The following NDRG4 variants were observed in gnomAD, a reference collection of about 807,000 sequenced individuals.
NDRG4 encodes the protein protein NDRG4.
Under a neutral mutation model 55.8 loss-of-function variants are expected in NDRG4, and 38 were observed. The ratio of observed to expected loss-of-function variants is 0.68; its 90% CI spans 0.53 to 0.89. The LOEUF is 0.89. Among genes scored for constraint, NDRG4 ranks in the 40% least tolerant of loss-of-function variants. The probability of loss-of-function intolerance (pLI) is 0.00; values close to 1 mark genes in which losing one functional copy is unlikely to be tolerated. For synonymous variants in NDRG4, 190 were observed against 182.7 expected, an observed-to-expected ratio of 1.04 and a Z score of -0.32; for missense variants, 455 against 468.6, an observed-to-expected ratio of 0.97 and a Z score of 0.27.
intron 1 of NDRG4, among the ~76,000 whole-genome samples, chr16:58,466,215 C>T (rs2031647463): frequency 6.6e-6 from 1 of 152,190 alleles, no homozygotes; most frequent in Admixed American, 6.5e-5. Flanking sequence ...TGGGTTTCGC[C>T]ATGTTGGCCA....
Position 58,464,584 on chromosome 16 carries a change from C to G in NDRG4, c.-24+787C>G, listed in dbSNP as rs542582763. On this transcript the variant is annotated intron_variant, in intron 1 of 15. Transcript: ENST00000258187. This position sits in a 1 kb window ranked among gnomAD's most constrained non-coding sequence, Gnocchi z 4.8. ...GAGCAGGAAGGGGTGCGGACCCCAA[C>G]TAAGTCCTAGTTTTGTGCTACCTGT... The G allele has an allele frequency of 2.8e-5, 29 of 1,031,994 alleles. No homozygotes were observed. In the East Asian group the frequency reaches 9.5e-4, roughly 34 times the overall value. 63.9% of individuals were successfully genotyped at this position (1,031,994 alleles called of 1,614,324 possible). A position where few individuals can be genotyped will look rare whatever the true frequency, so the allele number is the denominator to read the frequency against.
rs2038959666 is a variant in NDRG4 at position 58,513,024 on chromosome 16, C to A, written c.*1448C>A. ...GCGTGTTAGTTTCTGCCCAGTTCTA[C>A]CCCCTCATGTGCTTCTTCTGAATAC... On this transcript the variant is annotated 3_prime_UTR_variant, in exon 15 of 15. Coordinates refer to ENST00000570248, the MANE Select transcript of NDRG4 (RefSeq NM_001242835.2). 1.3e-5 allele frequency: 2 copies of A among 152,686 alleles called. No homozygotes were observed. The highest frequency in any genetic ancestry group is 4.8e-5 in the African/African-American group (2 of 41,432). 9.5% of individuals were successfully genotyped at this position (152,686 alleles called of 1,614,324 possible).
rs1456848091 is a variant in NDRG4, at chr16:58,491,074, C to T, written c.72+3224C>T. Among the ~76,000 whole-genome samples the T allele has an allele frequency of 3.3e-5, 5 of 151,988 alleles. No individual in the cohort carries two copies. The South Asian group carries it at 6.2e-4, about 19-fold the overall frequency. ...AGCGGATCACTTGAGGTCAGGAGTTCGAGACCAGCCTGACCAACATGGTGA... is the reference window on the plus strand; with the variant it reads ...AGCGGATCACTTGAGGTCAGGAGTTTGAGACCAGCCTGACCAACATGGTGA... On this transcript the variant is annotated intron_variant, in intron 2 of 15. Coordinates refer to the NDRG4 transcript ENST00000258187.
chr16:58,474,398 T>C (rs537188906), intron 1 of NDRG4, among the ~76,000 whole-genome samples: 14 of 152,358 alleles, frequency 9.2e-5, no homozygotes, highest in African/African-American at 2.9e-4. Context: ...GCCTGCCTCC[T>C]GGCCTTTGCG....
intron 1 of NDRG4, among the ~76,000 whole-genome samples, chr16:58,483,881 A>T (rs1225236973): frequency 6.6e-6 from 1 of 152,180 alleles, no homozygotes; most frequent in African/African-American, 2.4e-5. Flanking sequence ...CCTGGCCAAC[A>T]TAGTAAGACC....
chr16:58,507,994 G>A lies in NDRG4; in HGVS notation c.724G>A (p.Gly242Arg), dbSNP rs200568789. ...VVGDNAPAED[G>R]VVECNSKLDP... Reference sequence around the variant, plus strand: ...TGGGGATAATGCACCCGCTGAGGACGGGGTGGTAAGTGAGGGGCTGTGGGC... The same window carrying A: ...TGGGGATAATGCACCCGCTGAGGACAGGGTGGTAAGTGAGGGGCTGTGGGC... Residue 242 changes from glycine to arginine, a missense_variant, in exon 10 of 15, where the codon GGG (glycine) becomes AGG (arginine). Coordinates refer to ENST00000570248, the MANE Select transcript of NDRG4 (RefSeq NM_001242835.2). 2.9e-5 allele frequency: 46 copies of A among 1,569,816 alleles called. No homozygotes were observed. Among genetic ancestry groups the A allele is most frequent in the African/African-American group, 1.2e-4 (9 of 74,382 alleles).
intron 2 of NDRG4, among the ~76,000 whole-genome samples, chr16:58,490,358 G>A (rs912173143): frequency 2.0e-5 from 3 of 152,136 alleles, no homozygotes; most frequent in Non-Finnish European, 2.9e-5. Flanking sequence ...ATCTTGGCCT[G>A]GTAACTTCCA....
intron 1 of NDRG4, among the ~76,000 whole-genome samples, chr16:58,476,521 CT>C (rs35821166): frequency 3.3e-5 from 5 of 151,930 alleles, no homozygotes; most frequent in African/African-American, 4.8e-5. Context: ...TAAGATGCAC[CT>C]TTTTTTTCAT....
chr16:58,513,911 T>C (rs1248005967), downstream of NDRG4, among the ~76,000 whole-genome samples: 1 of 152,002 alleles, frequency 6.6e-6, no homozygotes, highest in Non-Finnish European at 1.5e-5. Context: ...TGAGTGGAGA[T>C]CGTGCCACTG....
chr16:58,495,077 G>A, intron 3 of NDRG4: 1 of 1,521,526 alleles, frequency 6.6e-7, no homozygotes, highest in Non-Finnish European at 9.0e-7. Flanking sequence ...ACCTGGCCAG[G>A]TCCCAGAGGA....
At chr16:58,505,535 ATT>A (rs1469797232) in intron 5 of NDRG4, among the ~76,000 whole-genome samples, 1 of 151,716 alleles carries the variant, frequency 6.6e-6, no homozygotes, top group Non-Finnish European at 1.5e-5. Flanking sequence ...GCACTTAATC[ATT>A]TTGTTAACTG....
At chr16:58,467,454 C>T (rs2031908333) in intron 1 of NDRG4, among the ~76,000 whole-genome samples, 1 of 152,144 alleles carries the variant, frequency 6.6e-6, no homozygotes, top group African/African-American at 2.4e-5. Flanking sequence ...TTGCAGTGGG[C>T]CAAGATTGCA....
rs147253565 is a variant in NDRG4, at chr16:58,480,866, G to A, written c.-23-6890G>A. Reference sequence around the variant, plus strand: ...CTACTAAAAGTACAAAAATTAGCTGGGCGTGGTGGCAGAAGCCTGTAATCC... The same window carrying A: ...CTACTAAAAGTACAAAAATTAGCTGAGCGTGGTGGCAGAAGCCTGTAATCC... On this transcript the variant is annotated intron_variant, in intron 1 of 15. Coordinates refer to the NDRG4 transcript ENST00000258187. Among the ~76,000 whole-genome samples the A allele has an allele frequency of 2.0e-3, 309 of 152,196 alleles. 3 individuals are homozygous for A. The highest frequency in any genetic ancestry group is 6.9e-3 in the African/African-American group (286 of 41,528).
intron 1 of NDRG4, among the ~76,000 whole-genome samples, chr16:58,503,530 G>T (rs1375970253): frequency 6.6e-6 from 1 of 152,150 alleles, no homozygotes; most frequent in Non-Finnish European, 1.5e-5. Context: ...GGAGGACAGT[G>T]ACAGCACAAA....
Position 58,464,390 on chromosome 16 carries a change from C to G in NDRG4, c.-24+593C>G. ...CCCCGGCTCGGCCGAGCGCGCTGCCCCGACGCCGCCACCCAGAGCCGGGCC... is the reference window on the plus strand; with the variant it reads ...CCCCGGCTCGGCCGAGCGCGCTGCCGCGACGCCGCCACCCAGAGCCGGGCC... On this transcript the variant is annotated intron_variant, in intron 1 of 15. Coordinates refer to the NDRG4 transcript ENST00000258187. This position sits in a 1 kb window ranked among gnomAD's most constrained non-coding sequence, Gnocchi z 4.8. 7.3e-7 allele frequency: 1 copy of G among 1,370,022 alleles called. No individual in the cohort carries two copies. The highest frequency in any genetic ancestry group is 9.4e-7 in the Non-Finnish European group (1 of 1,065,594). 84.9% of individuals were successfully genotyped at this position (1,370,022 alleles called of 1,614,324 possible). A position where few individuals can be genotyped will look rare whatever the true frequency, so the allele number is the denominator to read the frequency against.
upstream of NDRG4, chr16:58,500,037 G>GCA: frequency 7.3e-7 from 1 of 1,370,436 alleles, no homozygotes; most frequent in Non-Finnish European, 9.6e-7. Context: ...TATGGGAGCT[G>GCA]GGGCTCCTGG....
rs776876917 is a variant in NDRG4, at chr16:58,508,987, C to T, written c.755C>T (p.Pro252Leu). The part of the protein sequence containing the change: ...GVVECNSKLD[P>L]TTTTFLKMAD... ...GTGGAGTGCAACTCCAAACTGGACC[C>T]GACCACTACGACCTTCCTGAAGGTG... Residue 252 changes from proline (P) to leucine (L), a missense_variant, in exon 11 of 15, where the codon CCG (proline) becomes CTG (leucine). Physicochemically the swap from Pro to Leu is moderately conservative, Grantham distance 98. Transcript: ENST00000570248. The T allele has an allele frequency of 9.9e-6, 16 of 1,614,044 alleles. No individual in the cohort carries two copies. The highest frequency in any genetic ancestry group is 7.7e-5 in the South Asian group (7 of 91,072).
At chr16:58,473,411 A>G (rs980663543) in intron 1 of NDRG4, among the ~76,000 whole-genome samples, 1 of 152,044 alleles carries the variant, frequency 6.6e-6, no homozygotes, top group East Asian at 1.9e-4. Flanking sequence ...TAATCCTCCC[A>G]CCTTGGCCTC....
chr16:58,472,486 G>A (rs1265324190), intron 1 of NDRG4, among the ~76,000 whole-genome samples: 1 of 152,196 alleles, frequency 6.6e-6, no homozygotes, highest in Non-Finnish European at 1.5e-5. Flanking sequence ...CCGCACTGGG[G>A]CCCGGCTGCC....
Sources: gnomAD v4.1 joint callset for allele counts (sites outside exome capture counted in the v4.1 genomes callset) on GRCh38, gnomAD v4.1.1 for gene constraint, Gnocchi (gnomAD v3.1) non-coding constraint, MANE v1.5 for transcripts, NCBI Gene and HGNC (gene_info 2026-07-23, HGNC 2026-07-21) for gene names.